Variants in PACSIN2 observed in about 807,000 individuals in gnomAD.
The protein encoded by PACSIN2 is protein kinase C and casein kinase substrate in neurons 2.
In PACSIN2, 25 loss-of-function variants were observed where a neutral mutation model predicts 63.8. That is an observed-to-expected ratio of 0.39 (90% CI 0.29 to 0.55). PACSIN2 has a LOEUF of 0.55. Among genes scored for constraint, PACSIN2 ranks in the 20% least tolerant of loss-of-function variants. The pLI is 0.62. For synonymous variants in PACSIN2, 255 were observed against 256.2 expected, an observed-to-expected ratio of 1.00 and a Z score of 0.05; for missense variants, 518 against 646.9, an observed-to-expected ratio of 0.80 and a Z score of 2.16.
chr22:42,878,793 C>T (rs1167494933), intron 8 of PACSIN2, among the ~76,000 whole-genome samples: 1 of 152,238 alleles, frequency 6.6e-6, no homozygotes, highest in East Asian at 1.9e-4. Context: ...AGGGCCAAGC[C>T]TCCCTCTCTG....
At chr22:43,004,250 A>G (rs1391507766) in intron 1 of PACSIN2, among the ~76,000 whole-genome samples, 2 of 152,192 alleles carry the variant, frequency 1.3e-5, no homozygotes, top group African/African-American at 2.4e-5. Context: ...TGGAGAGAAC[A>G]CTATCTGGTT....
chr22:42,986,909 G>A (rs554334496), intron 1 of PACSIN2, among the ~76,000 whole-genome samples: 7 of 152,256 alleles, frequency 4.6e-5, no homozygotes, highest in African/African-American at 1.7e-4. Flanking sequence ...GATAGCCACT[G>A]CCTATATAAT....
chr22:42,967,599 T>C (rs564571276), intron 1 of PACSIN2, among the ~76,000 whole-genome samples: 4 of 152,274 alleles, frequency 2.6e-5, no homozygotes, highest in African/African-American at 9.6e-5. Flanking sequence ...TTAGAAACCC[T>C]GCAAATGGGC....
chr22:42,893,666 G>T, intron 2 of PACSIN2, 53 bp from the exon 3 acceptor site: 2 of 1,577,908 alleles, frequency 1.3e-6, no homozygotes, highest in Non-Finnish European at 1.7e-6. Context: ...CCTGTCCTTG[G>T]CTGTGGCACA....
intron 1 of PACSIN2, among the ~76,000 whole-genome samples, chr22:43,008,398 G>A (rs938271034): frequency 6.6e-6 from 1 of 152,016 alleles, no homozygotes; most frequent in African/African-American, 2.4e-5. Flanking sequence ...TTACAGGCAC[G>A]CACCACCATG....
intron 10 of PACSIN2, among the ~76,000 whole-genome samples, chr22:42,874,868 T>TTTTGA (rs3046487): frequency 2.0e-5 from 3 of 146,822 alleles, no homozygotes; most frequent in African/African-American, 7.5e-5. Context: ...TTTTTTTTTT[T>TTTTGA]GAAAAAGAGT....
At chr22:42,950,820 C>T (rs1933657035) in intron 1 of PACSIN2, among the ~76,000 whole-genome samples, 1 of 152,188 alleles carries the variant, frequency 6.6e-6, no homozygotes, top group South Asian at 2.1e-4. Context: ...CCAGGCACCT[C>T]GCTGGGCCTG....
At chr22:42,926,994 T>C (rs1175152596) in intron 1 of PACSIN2, among the ~76,000 whole-genome samples, 3 of 152,178 alleles carry the variant, frequency 2.0e-5, no homozygotes, top group Admixed American at 1.3e-4. Context: ...CTCTCCTCTT[T>C]CCAGCCTCCC....
chr22:42,904,491 C>T (rs1930925499), intron 2 of PACSIN2, among the ~76,000 whole-genome samples: 1 of 152,224 alleles, frequency 6.6e-6, no homozygotes, highest in African/African-American at 2.4e-5. Context: ...GATCACCTGC[C>T]CGGTCCCTAA....
intron 2 of PACSIN2, among the ~76,000 whole-genome samples, chr22:42,901,769 G>T (rs1167644219): frequency 1.3e-5 from 2 of 152,200 alleles, no homozygotes; most frequent in Non-Finnish European, 2.9e-5. Flanking sequence ...GGATTCCAGG[G>T]TGTCTGGTTG....
chr22:42,981,136 G>A (rs1205662171), intron 1 of PACSIN2, among the ~76,000 whole-genome samples: 3 of 139,188 alleles, frequency 2.2e-5, no homozygotes, highest in South Asian at 2.5e-4. Flanking sequence ...CTGCCCCACC[G>A]CCCTGTCTGG....
At chr22:42,909,080 C>T (rs908115481) in intron 2 of PACSIN2, among the ~76,000 whole-genome samples, 4 of 152,166 alleles carry the variant, frequency 2.6e-5, no homozygotes, top group Non-Finnish European at 4.4e-5. Context: ...AACCTCTCCT[C>T]CCACAGGTCA....
At chr22:42,907,733 T>A (rs775092175) in intron 2 of PACSIN2, among the ~76,000 whole-genome samples, 35 of 152,272 alleles carry the variant, frequency 2.3e-4, no homozygotes, top group Non-Finnish European at 3.2e-4. Context: ...CTGCTCTCCA[T>A]ACAACGCTGG....
In PACSIN2 at chr22:42,879,189, GGA is replaced by G. The variant is rs754429620; in HGVS notation, c.907-22_907-21del. ...CCACTCCTAGGCAACAGGTGCCGAG[GGA>G]GAGAAACCAAAGGTTCACTACTTGC... is the stretch of plus-strand genomic sequence containing the variant. On this transcript the variant is annotated intron_variant, in intron 7 of 10. Transcript: ENST00000263246. The G allele has an allele frequency of 1.2e-6, 2 of 1,609,328 alleles. No homozygotes were observed. Among genetic ancestry groups the G allele is most frequent in the South Asian group, 2.2e-5 (2 of 90,712 alleles).
chr22:42,904,739 T>C (rs1483499515), intron 2 of PACSIN2, among the ~76,000 whole-genome samples: 1 of 152,002 alleles, frequency 6.6e-6, no homozygotes, highest in Non-Finnish European at 1.5e-5. Context: ...TGCACTCCAG[T>C]CTACCTCCAC....
chr22:42,889,590 C>T (rs928068525), intron 4 of PACSIN2, among the ~76,000 whole-genome samples: 4 of 152,010 alleles, frequency 2.6e-5, no homozygotes, highest in East Asian at 3.9e-4. Flanking sequence ...GAAAACCATC[C>T]GGAAGGACAG....
intron 2 of PACSIN2, among the ~76,000 whole-genome samples, chr22:42,896,055 A>C (rs1163398420): frequency 6.6e-6 from 1 of 152,230 alleles, no homozygotes; most frequent in Non-Finnish European, 1.5e-5. Flanking sequence ...AAAACTGCCC[A>C]CTACAGGGTA....
chr22:42,883,538 G>C (rs1323110653), intron 6 of PACSIN2, among the ~76,000 whole-genome samples: 1 of 152,236 alleles, frequency 6.6e-6, no homozygotes, highest in African/African-American at 2.4e-5. Flanking sequence ...GGAAAGCACA[G>C]AAGAAACAGC....
At chr22:42,876,444 C>G in intron 9 of PACSIN2, 111 bp from the exon 10 acceptor site, 5 of 856,346 alleles carry the variant, frequency 5.8e-6, no homozygotes, top group Non-Finnish European at 7.4e-6. Flanking sequence ...GCTGAGGGCT[C>G]CTTCCGAAGG....
Sources: allele counts gnomAD v4.1 joint callset (sites outside exome capture counted in the v4.1 genomes callset), GRCh38; gene constraint gnomAD v4.1.1; transcripts MANE v1.5; gene names NCBI Gene and HGNC (gene_info 2026-07-23, HGNC 2026-07-21).